The following PPP2R2B variants were observed in gnomAD, a reference collection of about 807,000 sequenced individuals.
PPP2R2B encodes the protein serine/threonine-protein phosphatase 2A 55 kDa regulatory subunit B beta isoform.
In PPP2R2B, 5 loss-of-function variants were observed where a neutral mutation model predicts 46.0. The ratio of observed to expected loss-of-function variants is 0.11; its 90% CI spans 0.06 to 0.23. The LOEUF is 0.23. PPP2R2B is among the 10% of genes least tolerant of loss of function. PPP2R2B has a pLI of 1.00. For synonymous variants in PPP2R2B, 215 were observed against 206.7 expected, an observed-to-expected ratio of 1.04 and a Z score of -0.34; for missense variants, 367 against 575.0, an observed-to-expected ratio of 0.64 and a Z score of 3.70.
At chr5:146,617,222 T>A (rs1338291873) in intron 7 of PPP2R2B, among the ~76,000 whole-genome samples, 1 of 151,910 alleles carries the variant, frequency 6.6e-6, no homozygotes, top group Non-Finnish European at 1.5e-5. Context: ...TACCAGAGGT[T>A]GGGGGGCAGG....
At chr5:146,935,393 A>C (rs2151825176) in intron 1 of PPP2R2B, among the ~76,000 whole-genome samples, 1 of 152,284 alleles carries the variant, frequency 6.6e-6, no homozygotes, top group East Asian at 1.9e-4. Flanking sequence ...GGGGAAATAA[A>C]TTTTTGTTGT....
At chr5:147,046,087 G>C (rs1390839699) in intron 1 of PPP2R2B, among the ~76,000 whole-genome samples, 1 of 152,086 alleles carries the variant, frequency 6.6e-6, no homozygotes, top group Admixed American at 6.6e-5. Context: ...CCTTCCATAA[G>C]AGCAGGAACC....
At chr5:147,027,360 C>T (rs1025826517) in intron 1 of PPP2R2B, among the ~76,000 whole-genome samples, 11 of 152,080 alleles carry the variant, frequency 7.2e-5, no homozygotes, top group African/African-American at 2.4e-4. Context: ...GTGGGCCGGG[C>T]GCGGTGGTTC....
At chr5:146,948,274 G>T (rs970240173) in intron 1 of PPP2R2B, among the ~76,000 whole-genome samples, 4 of 152,034 alleles carry the variant, frequency 2.6e-5, no homozygotes, top group African/African-American at 9.7e-5. Context: ...TGGCTCTGCT[G>T]CTTCCTAGGT....
chr5:146,899,607 T>C (rs1430491893), intron 1 of PPP2R2B, among the ~76,000 whole-genome samples: 4 of 152,036 alleles, frequency 2.6e-5, no homozygotes, highest in Non-Finnish European at 4.4e-5. Flanking sequence ...ACATGTACCC[T>C]AAAACTTAAA....
intron 7 of PPP2R2B, among the ~76,000 whole-genome samples, chr5:146,600,887 T>A (rs1771716771): frequency 6.6e-6 from 1 of 152,214 alleles, no homozygotes; most frequent in Non-Finnish European, 1.5e-5. Flanking sequence ...ATCATTGCTA[T>A]AATCTAAATT....
At chr5:146,991,807 TTATC>T (rs1214347647) in intron 1 of PPP2R2B, among the ~76,000 whole-genome samples, 2 of 152,048 alleles carry the variant, frequency 1.3e-5, no homozygotes, top group African/African-American at 4.8e-5. Context: ...AGGGATACAT[TTATC>T]TAAGGTAGTA....
rs536395073 is a variant in PPP2R2B, at chr5:146,726,656, T to G, written c.71-25514A>C. ...AAACCAGTTAGTAGTGGAGCTAAGA[T>G]TCAAACCCACACAGTCTAGTCCTTG... On this transcript the variant is annotated intron_variant, in intron 2 of 9. Transcript: ENST00000394411. 6.6e-5 allele frequency among the ~76,000 whole-genome samples: 10 copies of G among 152,328 alleles called. No individual in the cohort carries two copies. The South Asian group carries it at 2.1e-3, about 32-fold the overall frequency.
intron 1 of PPP2R2B, among the ~76,000 whole-genome samples, chr5:146,935,753 GT>G (rs1764118582): frequency 6.6e-6 from 1 of 152,164 alleles, no homozygotes; most frequent in African/African-American, 2.4e-5. Flanking sequence ...TCAGTGTAAA[GT>G]TTGGAAAAGG....
At chr5:146,734,196 C>T (rs1752404299) in intron 2 of PPP2R2B, among the ~76,000 whole-genome samples, 1 of 151,926 alleles carries the variant, frequency 6.6e-6, no homozygotes, top group African/African-American at 2.4e-5. Flanking sequence ...GCTGGGACTA[C>T]AGATGCACAC....
rs1032039217 is a variant in PPP2R2B at position 146,589,151 on chromosome 5, G to A, written c.*796C>T. 2 of 152,270 alleles carry A rather than the reference G, an allele frequency of 1.3e-5. No individual in the cohort carries two copies. The highest frequency in any genetic ancestry group is 4.8e-5 in the African/African-American group (2 of 41,448). The allele number at this position is 152,270 out of a possible 1,614,324, so 9.4% of individuals were successfully genotyped here. On this transcript the variant is annotated 3_prime_UTR_variant, in exon 10 of 10. Coordinates refer to ENST00000394411, the MANE Select transcript of PPP2R2B (RefSeq NM_181675.4). ...ACATGTAAGTAGAAGATTATATGGA[G>A]CCATTTAAGAGCACAAAAAGCAAGA...
At chr5:146,806,132 G>A (rs994509287) in intron 2 of PPP2R2B, among the ~76,000 whole-genome samples, 6 of 152,166 alleles carry the variant, frequency 3.9e-5, no homozygotes, top group African/African-American at 1.4e-4. Flanking sequence ...ATATGAAGAA[G>A]CTAGGGAGAC....
intron 3 of PPP2R2B, among the ~76,000 whole-genome samples, chr5:146,699,132 T>C (rs1779389290): frequency 6.6e-6 from 1 of 152,224 alleles, no homozygotes; most frequent in Non-Finnish European, 1.5e-5. Flanking sequence ...TATAAAAGCT[T>C]GACTCTTAAT....
intron 7 of PPP2R2B, among the ~76,000 whole-genome samples, chr5:146,603,216 C>G (rs1007663144): frequency 1.3e-5 from 2 of 152,188 alleles, no homozygotes; most frequent in African/African-American, 4.8e-5. Context: ...GCTGGCCAGT[C>G]ATATCTCATT....
intron 1 of PPP2R2B, among the ~76,000 whole-genome samples, chr5:146,974,097 A>C (rs1457394372): frequency 6.6e-6 from 1 of 152,246 alleles, no homozygotes; most frequent in Non-Finnish European, 1.5e-5. Context: ...AAACTCTTGT[A>C]GATCTATTTG....
At chr5:146,930,033 G>A (rs924412506) in intron 1 of PPP2R2B, among the ~76,000 whole-genome samples, 1 of 152,178 alleles carries the variant, frequency 6.6e-6, no homozygotes, top group Non-Finnish European at 1.5e-5. Context: ...CAGAATTTAT[G>A]TTCTGTAGGC....
rs866258169 is a variant in PPP2R2B, at chr5:146,781,790, A to C, written c.71-80648T>G. Among the ~76,000 whole-genome samples the C allele has an allele frequency of 3.3e-5, 5 of 152,334 alleles. No homozygotes were observed. In the South Asian group the frequency reaches 1.0e-3, roughly 32 times the overall value. On this transcript the variant is annotated intron_variant, in intron 2 of 9. Transcript: ENST00000394411. The stretch of plus-strand genomic sequence containing the variant: ...ATTACAACCAGACTAAATCCAACTG[A>C]AAGTCAAATAAAGGAAGAAAGACGC...
chr5:146,758,848 T>TGATA (rs1753988956), intron 2 of PPP2R2B, among the ~76,000 whole-genome samples: 1 of 152,200 alleles, frequency 6.6e-6, no homozygotes, highest in Non-Finnish European at 1.5e-5. Flanking sequence ...GCTACATTTA[T>TGATA]GATAGCACAG....
At chr5:146,755,167 A>G (rs1391019254) in intron 2 of PPP2R2B, among the ~76,000 whole-genome samples, 1 of 152,148 alleles carries the variant, frequency 6.6e-6, no homozygotes, top group Non-Finnish European at 1.5e-5. Flanking sequence ...AGTGGAGAGG[A>G]GAGGGATGGA....
Sources: allele counts gnomAD v4.1 joint callset (sites outside exome capture counted in the v4.1 genomes callset), GRCh38; gene constraint gnomAD v4.1.1; transcripts MANE v1.5; gene names NCBI Gene and HGNC (gene_info 2026-07-23, HGNC 2026-07-21).